The following C4orf51 variants were observed in gnomAD, a reference collection of about 807,000 sequenced individuals.
C4orf51 encodes chromosome 4 open reading frame 51.
Under a neutral mutation model 25.2 loss-of-function variants are expected in C4orf51, and 25 were observed. That is an observed-to-expected ratio of 0.99 (90% CI 0.72 to 1.39). The LOEUF is 1.39. Among genes scored for constraint, C4orf51 ranks in the 40% most tolerant of loss-of-function variants. The pLI is 0.00. For missense variants in C4orf51, 252 were observed against 239.6 expected (o/e 1.05, Z -0.34); for synonymous variants, 100 against 84.5 (o/e 1.18, Z -1.01).
At chr4:145,773,001 T>A (rs1579117303), downstream of C4orf51, among the ~76,000 whole-genome samples, 2 of 152,112 alleles carry the variant, frequency 1.3e-5, no homozygotes, top group Non-Finnish European at 2.9e-5. Flanking sequence ...TCTATGGTGG[T>A]ATGGGTGTGG....
intron 1 of C4orf51, among the ~76,000 whole-genome samples, chr4:145,680,879 G>T (rs1042243109): frequency 6.6e-6 from 1 of 152,126 alleles, no homozygotes; most frequent in Non-Finnish European, 1.5e-5. Context: ...TGTAAGCCAG[G>T]CCCTGTGATA....
At chr4:145,689,957 C>A (rs1043358893) in intron 1 of C4orf51, among the ~76,000 whole-genome samples, 1 of 151,952 alleles carries the variant, frequency 6.6e-6, no homozygotes, top group African/African-American at 2.4e-5. Context: ...GTAATCCCAG[C>A]ACTTTGGGAG....
rs1735111779 is a variant in C4orf51, at chr4:145,765,266, C to T, written n.167-5722C>T. On this transcript the variant is annotated intron_variant and non_coding_transcript_variant, in intron 1 of 1. Coordinates refer to the C4orf51 transcript ENST00000510096. The surrounding 1 kb of genome is among the most constrained non-coding windows in gnomAD (Gnocchi z 4.7). ...CCCCACTTCCTCCCGCCTCCTCCGA[C>T]GCCTGACAGCTATACCCTTCCAGGC... 8.6e-6 allele frequency: 11 copies of T among 1,284,694 alleles called. No homozygotes were observed. The highest frequency in any genetic ancestry group is 2.7e-4 in the Middle Eastern group (1 of 3,658). The allele number at this position is 1,284,694 out of a possible 1,614,324, so 79.6% of individuals were successfully genotyped here.
At chr4:145,728,037 A>AATAT (rs61359065) in intron 3 of C4orf51, among the ~76,000 whole-genome samples, 4 of 123,320 alleles carry the variant, frequency 3.2e-5, no homozygotes, top group East Asian at 4.1e-4. Context: ...TATTATATAT[A>AATAT]ATATATATAT....
At chr4:145,782,954 T>C in the C4orf51 span, among the ~76,000 whole-genome samples, 1 of 152,248 alleles carries the variant, frequency 6.6e-6, no homozygotes, top group African/African-American at 2.4e-5. Flanking sequence ...GGTGAAGCCC[T>C]GCCCAATTCC....
At chr4:145,781,465 T>G in the C4orf51 span, among the ~76,000 whole-genome samples, 1 of 152,150 alleles carries the variant, frequency 6.6e-6, no homozygotes, top group Non-Finnish European at 1.5e-5. Context: ...TGCAATAATG[T>G]TCGCTGTGAG....
chr4:145,711,220 CCT>C (rs1435118284), intron 2 of C4orf51, among the ~76,000 whole-genome samples: 1 of 152,164 alleles, frequency 6.6e-6, no homozygotes, highest in East Asian at 1.9e-4. Flanking sequence ...TGCACTCAGT[CCT>C]CTTTTGTTGA....
chr4:145,694,289 A>G (rs1344773887), intron 1 of C4orf51, among the ~76,000 whole-genome samples: 1 of 135,778 alleles, frequency 7.4e-6, no homozygotes, highest in Non-Finnish European at 1.6e-5. Context: ...CAGACTGGGC[A>G]GCCAGGCAGA....
intron 1 of C4orf51, among the ~76,000 whole-genome samples, chr4:145,682,088 T>C (rs183150979): frequency 6.6e-6 from 1 of 152,212 alleles, no homozygotes; most frequent in Non-Finnish European, 1.5e-5. Context: ...GGTGAAAATG[T>C]ATAGGACCTG....
chr4:145,779,399 CAAT>C, the C4orf51 span: 1 of 1,614,142 alleles, frequency 6.2e-7, no homozygotes, highest in Non-Finnish European at 8.5e-7. Context: ...GGTGTCGGGA[CAAT>C]GTCTGCTGTC....
downstream of C4orf51, among the ~76,000 whole-genome samples, chr4:145,771,563 C>G (rs1457357351): frequency 6.6e-6 from 1 of 152,136 alleles, no homozygotes; most frequent in Non-Finnish European, 1.5e-5. Context: ...ATATTTTCCC[C>G]TTGTTGATAT....
downstream of C4orf51, among the ~76,000 whole-genome samples, chr4:145,775,424 CA>C (rs1736910898): frequency 6.6e-6 from 1 of 151,750 alleles, no homozygotes; most frequent in African/African-American, 2.4e-5. Flanking sequence ...TATATTTCCT[CA>C]GCTTTTTTTT....
chr4:145,756,729 T>C (rs1437236730), downstream of C4orf51, among the ~76,000 whole-genome samples: 2 of 152,284 alleles, frequency 1.3e-5, no homozygotes, highest in Non-Finnish European at 2.9e-5. Context: ...CAACACAAAA[T>C]TAGTATTTGA....
chr4:145,723,160 T>C (rs1731837439), intron 2 of C4orf51, among the ~76,000 whole-genome samples: 1 of 152,120 alleles, frequency 6.6e-6, no homozygotes, highest in Admixed American at 6.5e-5. Context: ...AACTGGTTCC[T>C]GGTGTTAAAA....
intron 5 of C4orf51, among the ~76,000 whole-genome samples, chr4:145,731,833 C>T (rs1732499369): frequency 6.6e-6 from 1 of 151,716 alleles, no homozygotes; most frequent in African/African-American, 2.4e-5. Flanking sequence ...CTGCCCACCT[C>T]GGCCTCCCAA....
the C4orf51 span, among the ~76,000 whole-genome samples, chr4:145,776,252 C>T: frequency 6.6e-6 from 1 of 151,984 alleles, no homozygotes; most frequent in Non-Finnish European, 1.5e-5. Flanking sequence ...AGGACAGGAG[C>T]TCGAGACCAG....
At chr4:145,735,995 G>A (rs766588943), downstream of C4orf51, among the ~76,000 whole-genome samples, 4 of 152,070 alleles carry the variant, frequency 2.6e-5, no homozygotes, top group Non-Finnish European at 5.9e-5. Context: ...GCATGTTTAT[G>A]GAGTGATTAT....
At chr4:145,708,696 C>T (rs1241589107) in intron 2 of C4orf51, among the ~76,000 whole-genome samples, 2 of 152,196 alleles carry the variant, frequency 1.3e-5, no homozygotes, top group Admixed American at 1.3e-4. Context: ...ACCTTGCCTT[C>T]ATCACTTTTC....
chr4:145,726,967 G>T lies in C4orf51; in HGVS notation c.364G>T (p.Val122Leu), dbSNP rs1470438345. ...FKKSFDVKHG[V>L]AHQIWDFGDC... is the part of the protein sequence containing the mutation. ...AAAGTCATTTGATGTCAAGCATGGA[G>T]TGGTAAGCCCAACATTTCTCAGCAA... The change falls in exon 3 of 6, where the codon GTG (valine) becomes TTG (leucine). Residue 122 changes from valine (V) to leucine (L), a missense_variant and splice_region_variant. Physicochemically the swap from Val to Leu is conservative, Grantham distance 32. Transcript: ENST00000438731. 2 of 1,612,232 alleles carry T rather than the reference G, an allele frequency of 1.2e-6. No individual in the cohort carries two copies. The highest frequency in any genetic ancestry group is 1.7e-6 in the Non-Finnish European group (2 of 1,178,376).
Sources: allele counts gnomAD v4.1 joint callset (sites outside exome capture counted in the v4.1 genomes callset), GRCh38; gene constraint gnomAD v4.1.1; non-coding constraint Gnocchi (gnomAD v3.1); transcripts MANE v1.5; gene names NCBI Gene and HGNC (gene_info 2026-07-23, HGNC 2026-07-21).